Variants in TRIP11 observed in about 807,000 individuals in gnomAD.
The protein encoded by TRIP11 is thyroid hormone receptor interactor 11, also known as thyroid receptor-interacting protein 11.
TRIP11 carries 148 observed loss-of-function variants against 223.1 expected under a neutral mutation model. The observed-to-expected ratio is 0.66, with a 90% CI of 0.58 to 0.76. The LOEUF is 0.76. TRIP11 is among the 30% of genes least tolerant of loss of function. The pLI is 0.00. For synonymous variants in TRIP11, 762 were observed against 772.6 expected (o/e 0.99, Z 0.23); for missense variants, 2,043 against 2,222.0 (o/e 0.92, Z 1.62).
Position 92,006,233 on chromosome 14 carries a change from A to T in TRIP11, c.1743T>A (p.Leu581=), listed in dbSNP as rs747078506. The T allele has an allele frequency of 2.4e-5, 38 of 1,612,818 alleles. No homozygotes were observed. Among genetic ancestry groups the T allele is most frequent in the Admixed American group, 3.3e-5 (2 of 59,910 alleles). ...CTACTAAATTTTCTACTTTGTCCTC[A>T]AGTTTCTGCTTGGTTAAATGTAAAT... ...LNDLHLTKQK[L]EDKVENLVDQ... Residue 581 remains leucine (L), a synonymous_variant, in exon 11 of 21, where the codon CTT becomes CTA. Transcript: ENST00000267622.
chr14:92,035,534 T>A (rs1469924829), intron 1 of TRIP11, among the ~76,000 whole-genome samples: 23 of 144,528 alleles, frequency 1.6e-4, no homozygotes, highest in Non-Finnish European at 2.3e-4. Context: ...TAATGAGCTT[T>A]AAAAAAAAAA....
chr14:91,988,073 G>A (rs1444493021), intron 16 of TRIP11, among the ~76,000 whole-genome samples: 4 of 152,154 alleles, frequency 2.6e-5, no homozygotes, highest in Non-Finnish European at 5.9e-5. Flanking sequence ...CAACATCCAG[G>A]AAAACTAACT....
At chr14:92,021,862 G>C in intron 3 of TRIP11, 31 bp from the exon 4 acceptor site, 1 of 1,605,422 alleles carries the variant, frequency 6.2e-7, no homozygotes, top group Non-Finnish European at 8.5e-7. Context: ...TTTTAGAGAA[G>C]GTACTTTAAA....
Position 91,968,329 on chromosome 14 carries a change from C to A in TRIP11, c.*1344G>T, listed in dbSNP as rs1435897667. 4 of 204,210 alleles carry A rather than the reference C, an allele frequency of 2.0e-5. No individual in the cohort carries two copies. Among genetic ancestry groups the A allele is most frequent in the Non-Finnish European group, 4.0e-5 (4 of 100,504 alleles). The allele number at this position is 204,210 out of a possible 1,614,324, so 12.6% of individuals were successfully genotyped here. On this transcript the variant is annotated 3_prime_UTR_variant, in exon 21 of 21. Transcript: ENST00000267622. ...ATCCAGATACAGTTAAGTTTCAAGT[C>A]GGGATTTTTTTTTTATGATGGGTTT...
chr14:92,010,911 G>T, intron 9 of TRIP11, 75 bp downstream of exon 9: 1 of 1,304,112 alleles, frequency 7.7e-7, no homozygotes, highest in Non-Finnish European at 1.1e-6. Flanking sequence ...CATTCCATTT[G>T]GATATCAACT....
At chr14:91,999,554 T>C in intron 12 of TRIP11, 121 bp from the exon 13 acceptor site, 1 of 1,062,414 alleles carries the variant, frequency 9.4e-7, no homozygotes, top group Non-Finnish European at 1.4e-6. Context: ...TTTCTCATAC[T>C]GCAAAATGTA....
chr14:91,969,200 A>C lies in TRIP11; in HGVS notation c.*473T>G. ...ACAATCTTGTTGGCCTGTCTCCACA[A>C]AGTCCTCTAAAGATGATCAATATAT... On this transcript the variant is annotated 3_prime_UTR_variant, in exon 21 of 21. Transcript: ENST00000267622. 1 of 251,652 alleles carries C rather than the reference A, an allele frequency of 4.0e-6. No homozygotes were observed. The highest frequency in any genetic ancestry group is 5.8e-5 in the East Asian group (1 of 17,138). The allele number at this position is 251,652 out of a possible 1,614,324, so 15.6% of individuals were successfully genotyped here.
At chr14:91,977,627 CT>C (rs1232131376) in intron 16 of TRIP11, among the ~76,000 whole-genome samples, 2 of 147,212 alleles carry the variant, frequency 1.4e-5, no homozygotes, top group Non-Finnish European at 3.0e-5. Flanking sequence ...TTTTTTTTTC[CT>C]GCCTGGAAAG....
At chr14:92,034,351 AGGT>A (rs1389469213) in intron 1 of TRIP11, among the ~76,000 whole-genome samples, 1 of 151,094 alleles carries the variant, frequency 6.6e-6, no homozygotes, top group East Asian at 2.0e-4. Context: ...TGAACCTGGG[AGGT>A]GGAGGTTGCA....
chr14:92,038,422 T>C lies in TRIP11; in HGVS notation c.139+1125A>G, dbSNP rs190424280. Among the ~76,000 whole-genome samples the C allele has an allele frequency of 2.7e-3, 406 of 152,282 alleles. 1 individual carries two copies. The highest frequency in any genetic ancestry group is 3.7e-3 in the Admixed American group (57 of 15,296). On this transcript the variant is annotated intron_variant, in intron 1 of 20. Transcript: ENST00000267622. ...CCCCACACATAAAGAAGCCCTTTCATTTCTATCCCCAAAGCTGTCTCACTG... is the reference window on the plus strand; with the variant it reads ...CCCCACACATAAAGAAGCCCTTTCACTTCTATCCCCAAAGCTGTCTCACTG...
Position 92,005,232 on chromosome 14 carries a change from TG to T in TRIP11, c.2743del (p.His915IlefsTer4). The T allele has an allele frequency of 6.2e-7, 1 of 1,614,216 alleles. No individual in the cohort carries two copies. Among genetic ancestry groups the T allele is most frequent in the South Asian group, 1.1e-5 (1 of 91,080 alleles). ...GTTTTGATCTTCAATTATCTTTTGATGATGTTTAATTTCCTCTTCAAGATGT... is the reference window on the plus strand; with the variant it reads ...GTTTTGATCTTCAATTATCTTTTGATATGTTTAATTTCCTCTTCAAGATGT... ...KEHLEEEIKH[H>X]QKIIEDQNQS... On this transcript the variant is annotated frameshift_variant, in exon 11 of 21. Transcript: ENST00000267622. LOFTEE classifies it high-confidence loss of function.
At position 92,011,010 on chromosome 14, in the gene TRIP11, C is replaced by T; in HGVS notation, c.1290G>A (p.Glu430=). ...LKMRIEVLEK[E]KSLLSQEKEE... ...CCTTTTCTTGACTCAGTAATGACTTCTCTTTTTCTAAAACTTCGATACGCA... is the reference window on the plus strand; with the variant it reads ...CCTTTTCTTGACTCAGTAATGACTTTTCTTTTTCTAAAACTTCGATACGCA... The change falls in exon 9 of 21, where the codon GAG becomes GAA. Residue 430 remains glutamate, a synonymous_variant. Coordinates refer to ENST00000267622, the MANE Select transcript of TRIP11 (RefSeq NM_004239.4). 1 of 1,614,004 alleles carries T rather than the reference C, an allele frequency of 6.2e-7. No individual in the cohort carries two copies. Among genetic ancestry groups the T allele is most frequent in the South Asian group, 1.1e-5 (1 of 91,076 alleles).
intron 2 of TRIP11, chr14:92,026,548 T>A (rs1387411567): frequency 6.4e-6 from 8 of 1,254,108 alleles, no homozygotes; most frequent in Non-Finnish European, 2.3e-6. Context: ...CTGCATCGGA[T>A]CACTGGCGTG....
intron 6 of TRIP11, 50 bp from the exon 7 acceptor site, chr14:92,014,627 T>C (rs2057013240): frequency 6.4e-7 from 1 of 1,566,304 alleles, no homozygotes; most frequent in Non-Finnish European, 8.6e-7. Context: ...TACCAAGAAA[T>C]AAACGGTTTG....
intron 1 of TRIP11, among the ~76,000 whole-genome samples, chr14:92,036,416 G>C (rs1172266121): frequency 6.6e-6 from 1 of 152,066 alleles, no homozygotes; most frequent in Non-Finnish European, 1.5e-5. Flanking sequence ...CTCACAATAG[G>C]TATGATTATC....
chr14:91,993,973 A>T, intron 14 of TRIP11, 61 bp from the exon 15 acceptor site: 2 of 1,320,052 alleles, frequency 1.5e-6, no homozygotes, highest in Non-Finnish European at 2.2e-6. Context: ...TAGAATGTTA[A>T]GCCATTTTAA....
chr14:91,980,500 C>T (rs932474205), intron 16 of TRIP11, among the ~76,000 whole-genome samples: 1 of 152,170 alleles, frequency 6.6e-6, no homozygotes, highest in African/African-American at 2.4e-5. Context: ...ATGCTTATCT[C>T]AAAGAATTTG....
In TRIP11 at chr14:91,994,926, GAAC is replaced by G. The variant is rs2056729522; in HGVS notation, c.5056+423_5056+425del. On this transcript the variant is annotated intron_variant, in intron 14 of 20. Coordinates refer to ENST00000267622, the MANE Select transcript of TRIP11 (RefSeq NM_004239.4). Reference sequence around the variant, plus strand: ...TGAACATGTGAATCACCATTTCAAAGAACAATAATTAATGATGATTATCTGAAG... The same window carrying G: ...TGAACATGTGAATCACCATTTCAAAGAATAATTAATGATGATTATCTGAAG... Among the ~76,000 whole-genome samples, 3 of 152,244 alleles carry G rather than the reference GAAC, an allele frequency of 2.0e-5. No homozygotes were observed. The South Asian group carries it at 6.2e-4, about 32-fold the overall frequency.
At chr14:91,997,353 A>C (rs993172690) in intron 13 of TRIP11, among the ~76,000 whole-genome samples, 1 of 152,200 alleles carries the variant, frequency 6.6e-6, no homozygotes, top group African/African-American at 2.4e-5. Context: ...GAATGAGCCC[A>C]TTCCTACCTC....
Sources: gnomAD v4.1 joint callset for allele counts (sites outside exome capture counted in the v4.1 genomes callset) on GRCh38, gnomAD v4.1.1 for gene constraint, MANE v1.5 for transcripts, NCBI Gene and HGNC (gene_info 2026-07-23, HGNC 2026-07-21) for gene names.